Variants in EXOSC9 observed in about 807,000 individuals in gnomAD.
The protein encoded by EXOSC9 is exosome component 9, also known as exosome complex component RRP45.
Under a neutral mutation model 56.5 loss-of-function variants are expected in EXOSC9, and 38 were observed. The ratio of observed to expected loss-of-function variants is 0.67; its 90% CI spans 0.52 to 0.88. The LOEUF (loss-of-function observed/expected upper bound fraction) is 0.88. Among genes scored for constraint, EXOSC9 ranks in the 40% least tolerant of loss-of-function variants. The pLI is 0.00. For missense variants in EXOSC9, 559 were observed against 530.5 expected, an observed-to-expected ratio of 1.05 and a Z score of -0.53; for synonymous variants, 170 against 170.8, an observed-to-expected ratio of 0.99 and a Z score of 0.04.
intron 4 of EXOSC9, among the ~76,000 whole-genome samples, chr4:121,803,900 C>T (rs1456157033): frequency 2.0e-5 from 3 of 152,112 alleles, no homozygotes; most frequent in African/African-American, 4.8e-5. Flanking sequence ...TTTAGCTTCC[C>T]ATATTCCATA....
At position 121,802,975 on chromosome 4, in the gene EXOSC9, G is replaced by T. The variant is rs1726914175; in HGVS notation, c.342G>T (p.Lys114Asn). 2 of 1,613,946 alleles carry T rather than the reference G, an allele frequency of 1.2e-6. No homozygotes were observed. The highest frequency in any genetic ancestry group is 1.1e-5 in the South Asian group (1 of 91,084). The change falls in exon 4 of 12, where the codon AAG (lysine) becomes AAT (asparagine). Residue 114 changes from lysine to asparagine, a missense_variant. By Grantham distance (94) the Lys-to-Asn change is moderately conservative. Coordinates refer to ENST00000243498, the MANE Select transcript of EXOSC9 (RefSeq NM_005033.3). ...RLMERCLRNS[K>N]CIDTESLCVV... ...TGGAAAGATGTCTAAGAAATTCGAA[G>T]TGTATAGACACTGAGTCTCTCTGTG...
Position 121,814,023 on chromosome 4 carries a change from G to C in EXOSC9, c.1132G>C (p.Glu378Gln). 6.2e-7 allele frequency: 1 copy of C among 1,613,288 alleles called. No individual in the cohort carries two copies. The highest frequency in any genetic ancestry group is 8.5e-7 in the Non-Finnish European group (1 of 1,179,614). The stretch of plus-strand genomic sequence containing the variant: ...TGGTATAAAAATGGACACTGGAGTA[G>C]AAGTCTCTGATATTGGAAGCCAAGG... ...LDGIKMDTGV[E>Q]VSDIGSQDAP... Residue 378 changes from glutamate to glutamine, a missense_variant, in exon 10 of 12, where the codon GAA becomes CAA. Coordinates refer to ENST00000243498, the MANE Select transcript of EXOSC9 (RefSeq NM_005033.3).
rs1487281526 is a variant in EXOSC9 at position 121,807,625 on chromosome 4, A to T, written c.605+3A>T. ...AGTTTTGCCTTTTTCCAGCAAGGGT[A>T]AGCCTCGCCTTATTATGGGCCAAAA... On this transcript the variant is annotated splice_donor_region_variant and intron_variant, in intron 6 of 11. Coordinates refer to ENST00000243498, the MANE Select transcript of EXOSC9 (RefSeq NM_005033.3). The T allele has an allele frequency of 6.3e-7, 1 of 1,598,418 alleles. No individual in the cohort carries two copies. The highest frequency in any genetic ancestry group is 2.2e-5 in the East Asian group (1 of 44,796).
intron 5 of EXOSC9, among the ~76,000 whole-genome samples, chr4:121,806,111 A>T (rs1306735877): frequency 2.0e-5 from 3 of 149,652 alleles, no homozygotes; most frequent in African/African-American, 4.9e-5. Context: ...AGCTGAAAAC[A>T]CTCTCTTATA....
At chr4:121,812,884 C>T (rs1315287424) in intron 8 of EXOSC9, among the ~76,000 whole-genome samples, 2 of 152,122 alleles carry the variant, frequency 1.3e-5, no homozygotes. Flanking sequence ...ATTTCCATCT[C>T]TACCTCTTAC....
At chr4:121,808,118 ATCC>A (rs1471261485) in intron 6 of EXOSC9, among the ~76,000 whole-genome samples, 1 of 152,202 alleles carries the variant, frequency 6.6e-6, no homozygotes, top group African/African-American at 2.4e-5. Flanking sequence ...TAACTGCTAA[ATCC>A]TCCTGTGGCA....
At chr4:121,802,005 T>C in intron 2 of EXOSC9, 84 bp downstream of exon 2, 1 of 973,302 alleles carries the variant, frequency 1.0e-6, no homozygotes, top group Non-Finnish European at 1.6e-6. Flanking sequence ...ATAAAGCAGC[T>C]AAGAAGTCTG....
chr4:121,810,653 G>A (rs1437200031), intron 7 of EXOSC9, among the ~76,000 whole-genome samples: 2 of 152,284 alleles, frequency 1.3e-5, no homozygotes, highest in Admixed American at 6.5e-5. Context: ...TTGTTCTCCA[G>A]TCTGGGCAAC....
intron 5 of EXOSC9, 95 bp downstream of exon 5, chr4:121,804,854 A>T: frequency 2.8e-6 from 3 of 1,065,994 alleles, no homozygotes; most frequent in Non-Finnish European, 3.9e-6. Flanking sequence ...TATGTTGTAG[A>T]TGGCAATTGG....
At chr4:121,811,989 G>A (rs1295308302) in intron 8 of EXOSC9, among the ~76,000 whole-genome samples, 2 of 152,076 alleles carry the variant, frequency 1.3e-5, no homozygotes, top group Non-Finnish European at 2.9e-5. Context: ...AGGAGAGGAT[G>A]TTATAACACA....
chr4:121,816,131 T>C, intron 10 of EXOSC9: 1 of 636,212 alleles, frequency 1.6e-6, no homozygotes, highest in Non-Finnish European at 2.7e-6. Flanking sequence ...AATTTTTCTA[T>C]TATTTTTAAT....
intron 4 of EXOSC9, 106 bp downstream of exon 4, chr4:121,803,123 C>A: frequency 1.3e-6 from 1 of 792,108 alleles, no homozygotes; most frequent in Non-Finnish European, 2.1e-6. Context: ...CAGTATTGTA[C>A]TGGTTTGCTT....
chr4:121,807,215 A>G (rs1047777161), intron 5 of EXOSC9, among the ~76,000 whole-genome samples: 29 of 152,326 alleles, frequency 1.9e-4, no homozygotes, highest in Admixed American at 5.2e-4. Context: ...GCATGAGCCC[A>G]GGAGGCGGAG....
chr4:121,804,846 T>C (rs1400772943), intron 5 of EXOSC9, 87 bp downstream of exon 5: 11 of 1,144,138 alleles, frequency 9.6e-6, no homozygotes, highest in East Asian at 2.6e-5. Context: ...AGTGAAGTTA[T>C]GTTGTAGATG....
At chr4:121,807,255 A>G (rs184332376) in intron 5 of EXOSC9, among the ~76,000 whole-genome samples, 183 of 152,174 alleles carry the variant, frequency 1.2e-3, no homozygotes, top group Non-Finnish European at 2.1e-3. Flanking sequence ...TTGCCATTGC[A>G]CTCCAGCCTG....
rs777991915 is a variant in EXOSC9 at position 121,816,402 on chromosome 4, A to G, written c.1190A>G (p.Glu397Gly). Residue 397 changes from glutamate (E) to glycine (G), a missense_variant, in exon 11 of 12, where the codon GAA (glutamate) becomes GGA (glycine). Physicochemically the swap from Glu to Gly is moderately conservative, Grantham distance 98. Transcript: ENST00000243498. The stretch of plus-strand genomic sequence containing the variant: ...ATAATACTCTCAGATAGTGAAGAAG[A>G]AGAAATGATCATTTTGGAACCAGAC... Reference protein sequence around the residue: ...APIILSDSEEEEMIILEPDKN... With the variant: ...APIILSDSEEGEMIILEPDKN... 6.4e-7 allele frequency: 1 copy of G among 1,573,828 alleles called. No individual in the cohort carries two copies. The highest frequency in any genetic ancestry group is 8.6e-7 in the Non-Finnish European group (1 of 1,161,684).
chr4:121,804,732 C>T lies in EXOSC9; in HGVS notation c.495C>T (p.Val165=). The change falls in exon 5 of 12, where the codon GTC becomes GTT. Residue 165 remains valine, a synonymous_variant. Transcript: ENST00000243498. ...TATGTCATTTCCGAAGACCTGATGT[C>T]TCTGTCCAAGGAGATGAAGTAACAC... ...VALCHFRRPD[V]SVQGDEVTLY... 1 of 1,612,290 alleles carries T rather than the reference C, an allele frequency of 6.2e-7. No homozygotes were observed. The highest frequency in any genetic ancestry group is 1.1e-5 in the South Asian group (1 of 90,636).
At chr4:121,801,630 A>T (rs1031284131) in intron 1 of EXOSC9, 140 bp downstream of exon 1, 51 of 869,544 alleles carry the variant, frequency 5.9e-5, no homozygotes, top group Non-Finnish European at 7.8e-5. Flanking sequence ...GGCTTTATTT[A>T]TTTTTTTTCG....
chr4:121,802,606 T>C (rs1726899649), intron 2 of EXOSC9, 68 bp from the exon 3 acceptor site: 1 of 1,477,540 alleles, frequency 6.8e-7, no homozygotes, highest in Non-Finnish European at 9.3e-7. Flanking sequence ...AAACTTGTTA[T>C]CTGTTTCAGT....
Sources: gnomAD v4.1 joint callset for allele counts (sites outside exome capture counted in the v4.1 genomes callset) on GRCh38, gnomAD v4.1.1 for gene constraint, MANE v1.5 for transcripts, NCBI Gene and HGNC (gene_info 2026-07-23, HGNC 2026-07-21) for gene names.